The following GATA4 variants were observed in gnomAD, a reference collection of about 807,000 sequenced individuals.
GATA4 encodes transcription factor GATA-4.
Under a neutral mutation model 37.9 loss-of-function variants are expected in GATA4, and 7 were observed. The ratio of observed to expected loss-of-function variants is 0.18; its 90% CI spans 0.11 to 0.35. GATA4 has a LOEUF of 0.35. Among genes scored for constraint, GATA4 ranks in the 10% least tolerant of loss-of-function variants. The pLI is 1.00. For missense variants in GATA4, 647 were observed against 653.0 expected (o/e 0.99, Z 0.10); for synonymous variants, 372 against 292.6 (o/e 1.27, Z -2.77).
In GATA4 at chr8:11,678,060, A is replaced by G. The variant is rs188119900; in HGVS notation, c.-274+997A>G. Among the ~76,000 whole-genome samples, 266 of 146,172 alleles carry G rather than the reference A, an allele frequency of 1.8e-3. 2 individuals are homozygous for G. The highest frequency in any genetic ancestry group is 6.5e-3 in the African/African-American group (261 of 39,880). ...ATAATAATAATAATAATAATAATAA[A>G]TAGGAGTGACAGCTTTGAGAAGGAG... On this transcript the variant is annotated intron_variant, in intron 1 of 6. Coordinates refer to the GATA4 transcript ENST00000528712.
intron 1 of GATA4, among the ~76,000 whole-genome samples, chr8:11,679,917 G>C (rs191215702): frequency 6.6e-6 from 1 of 152,328 alleles, no homozygotes; most frequent in African/African-American, 2.4e-5. Flanking sequence ...TCCCTGTTGT[G>C]TGTCGCCGAA....
chr8:11,722,177 A>C (rs1800706151), intron 2 of GATA4, among the ~76,000 whole-genome samples: 1 of 151,622 alleles, frequency 6.6e-6, no homozygotes, highest in Non-Finnish European at 1.5e-5. Context: ...GAAAAATTTC[A>C]AACATAATAA....
Position 11,749,102 on chromosome 8 carries a change from C to T in GATA4, c.786+17C>T. 1.9e-6 allele frequency: 3 copies of T among 1,613,522 alleles called. No homozygotes were observed. The highest frequency in any genetic ancestry group is 2.5e-6 in the Non-Finnish European group (3 of 1,179,718). On this transcript the variant is annotated intron_variant, in intron 3 of 6. Coordinates refer to ENST00000532059, the MANE Select transcript of GATA4 (RefSeq NM_001308093.3). The surrounding 1 kb of genome is among the most constrained non-coding windows in gnomAD (Gnocchi z 4.6). ...CGCCGGCTGGTAAGCACGTGCCTCG[C>T]AGCCTCCTCTGGGCACCTGGCTGCG...
intron 2 of GATA4, among the ~76,000 whole-genome samples, chr8:11,726,677 A>T (rs941440857): frequency 2.6e-5 from 4 of 152,126 alleles, no homozygotes; most frequent in African/African-American, 9.7e-5. Context: ...CTTCTGATGC[A>T]GTTGGAGGCC....
intron 1 of GATA4, chr8:11,680,689 G>A (rs1048290504): frequency 4.1e-6 from 4 of 985,184 alleles, no homozygotes; most frequent in African/African-American, 3.5e-5. Context: ...CCCCCCCCTT[G>A]GGGAGACCGG....
intron 2 of GATA4, among the ~76,000 whole-genome samples, chr8:11,732,980 G>A (rs894351809): frequency 6.6e-6 from 1 of 152,068 alleles, no homozygotes; most frequent in African/African-American, 2.4e-5. Flanking sequence ...ATCACATGTG[G>A]GTTAGGGTTG....
At chr8:11,747,907 A>T (rs1281538198) in intron 2 of GATA4, among the ~76,000 whole-genome samples, 2 of 152,228 alleles carry the variant, frequency 1.3e-5, no homozygotes, top group Non-Finnish European at 2.9e-5. Flanking sequence ...CAGACTCAGA[A>T]TTATATAGCT....
chr8:11,738,149 C>G (rs542207264), intron 2 of GATA4, among the ~76,000 whole-genome samples: 11 of 146,364 alleles, frequency 7.5e-5, no homozygotes, highest in Non-Finnish European at 1.5e-5. Context: ...CCATTGCACT[C>G]TAGCCTGGGT....
chr8:11,756,099 G>A (rs1358866845), intron 5 of GATA4, among the ~76,000 whole-genome samples: 1 of 151,972 alleles, frequency 6.6e-6, no homozygotes, highest in African/African-American at 2.4e-5. Context: ...TCCTCACTCA[G>A]TACTGCTACC....
At chr8:11,720,257 C>T (rs1339671526) in intron 2 of GATA4, among the ~76,000 whole-genome samples, 1 of 151,928 alleles carries the variant, frequency 6.6e-6, no homozygotes, top group Non-Finnish European at 1.5e-5. Flanking sequence ...TCCGGCATGC[C>T]CCGTGATAGT....
chr8:11,727,688 C>A (rs1800998954), intron 2 of GATA4, among the ~76,000 whole-genome samples: 2 of 151,946 alleles, frequency 1.3e-5, no homozygotes, highest in African/African-American at 4.8e-5. Context: ...ACTAAAAATA[C>A]AAAAAATTCG....
upstream of GATA4, chr8:11,692,084 G>A (rs953955315): frequency 1.0e-6 from 1 of 984,218 alleles, no homozygotes; most frequent in African/African-American, 1.7e-5. Flanking sequence ...TCCGTAGAAA[G>A]GGAAGGTGAC....
Position 11,692,966 on chromosome 8 carries a change from C to T in GATA4, c.-729+306C>T, listed in dbSNP as rs1207817434. 6.6e-5 allele frequency: 65 copies of T among 985,132 alleles called. No homozygotes were observed. The Middle Eastern group carries it at 1.6e-3, about 24-fold the overall frequency. The allele number at this position is 985,132 out of a possible 1,614,324, so 61.0% of individuals were successfully genotyped here. On this transcript the variant is annotated intron_variant, in intron 1 of 2. Transcript: ENST00000526974. ...CTCATCAATAAGGCCTGCCAGGCGC[C>T]GGCCCCGCGGCCATCCATCACCCGG...
chr8:11,750,369 T>A (rs1317365354), intron 4 of GATA4, 133 bp downstream of exon 4: 2 of 1,270,818 alleles, frequency 1.6e-6, no homozygotes, highest in East Asian at 5.0e-5. Flanking sequence ...GAAGGGGCTT[T>A]CAACTACTTT....
At chr8:11,685,352 T>C (rs893901467) in intron 1 of GATA4, among the ~76,000 whole-genome samples, 2 of 152,278 alleles carry the variant, frequency 1.3e-5, no homozygotes, top group African/African-American at 4.8e-5. Flanking sequence ...TTGTCCCCGT[T>C]ATACTTTTCT....
chr8:11,750,789 A>AAAAT (rs1802267183), intron 4 of GATA4, among the ~76,000 whole-genome samples: 1 of 148,948 alleles, frequency 6.7e-6, no homozygotes, highest in African/African-American at 2.5e-5. Flanking sequence ...AAAAAAAAAA[A>AAAAT]AAAAAAATCT....
intron 2 of GATA4, among the ~76,000 whole-genome samples, chr8:11,746,751 C>T (rs969078227): frequency 4.6e-5 from 7 of 152,178 alleles, no homozygotes; most frequent in African/African-American, 1.7e-4. Flanking sequence ...CGGGAGTGGC[C>T]GCATCTCATG....
chr8:11,719,147 C>T (rs377762661), intron 2 of GATA4, among the ~76,000 whole-genome samples: 14 of 151,746 alleles, frequency 9.2e-5, no homozygotes, highest in Admixed American at 2.6e-4. Flanking sequence ...ATTGTGTCTC[C>T]GTCAAGGTCT....
At chr8:11,688,880 G>C (rs1799225564), upstream of GATA4, among the ~76,000 whole-genome samples, 1 of 152,210 alleles carries the variant, frequency 6.6e-6, no homozygotes, top group Non-Finnish European at 1.5e-5. Context: ...GGGGGCAATA[G>C]CAGTTATAAT....
Sources: allele counts gnomAD v4.1 joint callset (sites outside exome capture counted in the v4.1 genomes callset), GRCh38; gene constraint gnomAD v4.1.1; non-coding constraint Gnocchi (gnomAD v3.1); transcripts MANE v1.5; gene names NCBI Gene and HGNC (gene_info 2026-07-23, HGNC 2026-07-21).